PRP4K: variants seen among roughly 807,000 people sequenced by gnomAD.
The protein encoded by PRP4K is pre-mRNA processing factor kinase PRP4K, also known as serine/threonine-protein kinase PRP4 homolog.
chr6:4,049,135 A>C, the PRP4K span: 1 of 1,556,954 alleles, frequency 6.4e-7, no homozygotes, highest in South Asian at 1.1e-5. Context: ...TTAACTTTAG[A>C]GTTCATTGTA....
At chr6:4,049,673 C>T in the PRP4K span, 1 of 1,507,726 alleles carries the variant, frequency 6.6e-7, no homozygotes, top group Admixed American at 1.8e-5. Flanking sequence ...ACTGTGTTTC[C>T]TACTTTCTGA....
At chr6:4,063,322 AAT>A in the PRP4K span, 1 of 152,276 alleles carries the variant, frequency 6.6e-6, no homozygotes, top group African/African-American at 2.4e-5. Flanking sequence ...CTAAAATAAA[AAT>A]AGTGGTCAAC....
At chr6:4,033,166 A>G in the PRP4K span, among the ~76,000 whole-genome samples, 2 of 152,220 alleles carry the variant, frequency 1.3e-5, no homozygotes, top group East Asian at 3.8e-4. Flanking sequence ...CAGTTTAACA[A>G]TTGTGTTCTG....
chr6:4,053,081 A>G, the PRP4K span, among the ~76,000 whole-genome samples: 13 of 152,222 alleles, frequency 8.5e-5, no homozygotes, highest in African/African-American at 3.1e-4. Flanking sequence ...GGAAATGTAC[A>G]ATTGTCCCTT....
the PRP4K span, chr6:4,062,947 G>A: frequency 6.6e-6 from 1 of 152,472 alleles, no homozygotes; most frequent in Non-Finnish European, 1.5e-5. The surrounding 1 kb of genome is among the most constrained non-coding windows in gnomAD (Gnocchi z 4.2). Context: ...TTCTGGTGAT[G>A]TTTATGGCTT....
the PRP4K span, among the ~76,000 whole-genome samples, chr6:4,055,322 T>G: frequency 6.6e-6 from 1 of 152,260 alleles, no homozygotes; most frequent in African/African-American, 2.4e-5. Context: ...AAAATAACTT[T>G]TCTATTTTAA....
the PRP4K span, chr6:4,050,533 T>G: frequency 5.2e-6 from 1 of 191,208 alleles, no homozygotes; most frequent in Admixed American, 5.6e-5. Context: ...TCATGTTGAT[T>G]AGCTGTCACT....
At chr6:4,048,928 A>G in the PRP4K span, 15 of 768,264 alleles carry the variant, frequency 2.0e-5, no homozygotes, top group African/African-American at 3.6e-5. Flanking sequence ...ATTAAATTAT[A>G]TCTGGTGTTA....
At chr6:4,053,072 G>T in the PRP4K span, among the ~76,000 whole-genome samples, 1 of 152,166 alleles carries the variant, frequency 6.6e-6, no homozygotes, top group Non-Finnish European at 1.5e-5. Flanking sequence ...GAAGAAAAAG[G>T]AAATGTACAA....
the PRP4K span, chr6:4,056,665 G>A: frequency 6.4e-7 from 1 of 1,563,348 alleles, no homozygotes. Flanking sequence ...CTCGACTTTA[G>A]AAGACTGCTC....
the PRP4K span, chr6:4,048,969 A>AGGAAG: frequency 7.1e-7 from 1 of 1,399,774 alleles, no homozygotes. Context: ...AGTGCGTTAA[A>AGGAAG]TGTCTGACAA....
At chr6:4,044,432 A>G in the PRP4K span, among the ~76,000 whole-genome samples, 1 of 152,238 alleles carries the variant, frequency 6.6e-6, no homozygotes, top group East Asian at 1.9e-4. Flanking sequence ...GGGTAAATAC[A>G]TGTTTATTAT....
the PRP4K span, among the ~76,000 whole-genome samples, chr6:4,033,742 A>G: frequency 1.3e-5 from 2 of 152,178 alleles, no homozygotes; most frequent in African/African-American, 4.8e-5. Context: ...AAGTCATCAT[A>G]TTTTCAGAGA....
the PRP4K span, among the ~76,000 whole-genome samples, chr6:4,034,498 T>A: frequency 6.6e-6 from 1 of 152,142 alleles, no homozygotes; most frequent in African/African-American, 2.4e-5. Flanking sequence ...GAAAGTTAGG[T>A]CAATTTCTAC....
At chr6:4,064,606 C>T in the PRP4K span, 1 of 152,328 alleles carries the variant, frequency 6.6e-6, no homozygotes, top group Non-Finnish European at 1.5e-5. Flanking sequence ...TTAATAGTAT[C>T]CTAGTTCCAG....
At chr6:4,028,097 C>G in the PRP4K span, among the ~76,000 whole-genome samples, 12 of 152,206 alleles carry the variant, frequency 7.9e-5, no homozygotes, top group African/African-American at 2.9e-4. Context: ...GAGAATATAG[C>G]CTATATAAAG....
the PRP4K span, chr6:4,040,941 T>C: frequency 1.9e-6 from 3 of 1,596,602 alleles, no homozygotes; most frequent in Non-Finnish European, 2.6e-6. Context: ...AGAATAGAAC[T>C]TACCCATAAC....
the PRP4K span, chr6:4,031,940 G>A: frequency 3.1e-6 from 5 of 1,614,066 alleles, no homozygotes; most frequent in Non-Finnish European, 3.4e-6. Context: ...AAGGTTATGA[G>A]TCTGGCTCTG....
At chr6:4,037,720 A>C in the PRP4K span, 2 of 631,550 alleles carry the variant, frequency 3.2e-6, no homozygotes, top group South Asian at 6.3e-5. Flanking sequence ...ATCTCTACAC[A>C]TGGGTTTTCT....
Sources: gnomAD v4.1 joint callset for allele counts (sites outside exome capture counted in the v4.1 genomes callset) on GRCh38, gnomAD v4.1.1 for gene constraint, Gnocchi (gnomAD v3.1) non-coding constraint, MANE v1.5 for transcripts, NCBI Gene and HGNC (gene_info 2026-07-23, HGNC 2026-07-21) for gene names.